ABTB2: variants seen among roughly 807,000 people sequenced by gnomAD.
ABTB2 encodes the protein ankyrin repeat and BTB domain containing 2.
ABTB2 carries 56 observed loss-of-function variants against 104.1 expected under a neutral mutation model. The observed-to-expected ratio is 0.54, with a 90% CI of 0.43 to 0.67. The LOEUF (loss-of-function observed/expected upper bound fraction) is 0.67. Among genes scored for constraint, ABTB2 ranks in the 30% least tolerant of loss-of-function variants. The pLI, the probability that ABTB2 is intolerant of heterozygous loss-of-function variation, is 0.00. For missense variants in ABTB2, 1,279 were observed against 1,407.7 expected (o/e 0.91, Z 1.46); for synonymous variants, 606 against 608.2 (o/e 1.00, Z 0.05).
In ABTB2 at chr11:34,154,260, C is replaced by T. The variant is rs1360532336; in HGVS notation, c.2880+5G>A. The T allele has an allele frequency of 1.9e-6, 3 of 1,612,448 alleles. No individual in the cohort carries two copies. The highest frequency in any genetic ancestry group is 2.5e-6 in the Non-Finnish European group (3 of 1,178,694). On this transcript the variant is annotated splice_donor_5th_base_variant and intron_variant, in intron 16 of 16. Coordinates refer to ENST00000435224, the MANE Select transcript of ABTB2 (RefSeq NM_145804.3). The surrounding 1 kb of genome is among the most constrained non-coding windows in gnomAD (Gnocchi z 4.9). ...AGGTGGCCAGCAGGCATCCTTGGCCCTCACCTTGGCATATTTGTAGGTGTT... is the reference window on the plus strand; with the variant it reads ...AGGTGGCCAGCAGGCATCCTTGGCCTTCACCTTGGCATATTTGTAGGTGTT...
intron 11 of ABTB2, 101 bp downstream of exon 11, chr11:34,160,802 G>T (rs1852707267): frequency 1.5e-6 from 2 of 1,306,918 alleles, no homozygotes; most frequent in African/African-American, 1.5e-5. Flanking sequence ...GGGTGAGGGG[G>T]TCCCTGTGTC....
rs145682895 is a variant in ABTB2, at chr11:34,351,702, T to A, written c.883+4999A>T. On this transcript the variant is annotated intron_variant, in intron 1 of 16. Transcript: ENST00000435224. ...TATAGAGCACATATTGTAGACACCA[T>A]GAGAGGTACAGGGAAGACAGCAATG... Among the ~76,000 whole-genome samples the A allele has an allele frequency of 4.1e-3, 623 of 152,222 alleles. 4 individuals are homozygous for A. Among genetic ancestry groups the A allele is most frequent in the Non-Finnish European group, 5.4e-3 (366 of 68,026 alleles).
intron 1 of ABTB2, among the ~76,000 whole-genome samples, chr11:34,310,016 T>C (rs1409460922): frequency 6.6e-6 from 1 of 152,216 alleles, no homozygotes; most frequent in Non-Finnish European, 1.5e-5. Flanking sequence ...TAGCGATCAC[T>C]TGGGCTTGAC....
chr11:34,242,819 A>C (rs1420755785), intron 1 of ABTB2, among the ~76,000 whole-genome samples: 1 of 152,158 alleles, frequency 6.6e-6, no homozygotes, highest in African/African-American at 2.4e-5. Flanking sequence ...CTCAAAGTCT[A>C]CAGGACAGGC....
chr11:34,197,208 C>T (rs1853268760), intron 3 of ABTB2, 117 bp downstream of exon 3: 33 of 1,126,124 alleles, frequency 2.9e-5, no homozygotes, highest in Non-Finnish European at 4.2e-5. Context: ...AGGCATAGCA[C>T]AGTTCCAGGG....
chr11:34,310,723 C>T (rs891286202), intron 1 of ABTB2, among the ~76,000 whole-genome samples: 2 of 152,096 alleles, frequency 1.3e-5, no homozygotes, highest in African/African-American at 4.8e-5. Flanking sequence ...GGTCACGGAC[C>T]CCTGTTTAAG....
intron 1 of ABTB2, among the ~76,000 whole-genome samples, chr11:34,274,558 TATAC>T (rs983737752): frequency 2.0e-4 from 11 of 56,322 alleles, no homozygotes; most frequent in African/African-American, 8.7e-4. Flanking sequence ...TGGATTGGAA[TATAC>T]ACACACACAC....
At chr11:34,173,844 C>G (rs904266395) in intron 3 of ABTB2, among the ~76,000 whole-genome samples, 3 of 152,184 alleles carry the variant, frequency 2.0e-5, no homozygotes, top group Admixed American at 6.5e-5. Context: ...CAAGCACACT[C>G]GAGTCTGGTT....
At chr11:34,269,885 A>G (rs988833878) in intron 1 of ABTB2, among the ~76,000 whole-genome samples, 3 of 152,204 alleles carry the variant, frequency 2.0e-5, no homozygotes, top group Admixed American at 6.5e-5. Context: ...ATTTTCATAC[A>G]ATCACGTGAC....
chr11:34,186,391 C>A (rs1853099679), intron 3 of ABTB2, among the ~76,000 whole-genome samples: 1 of 152,218 alleles, frequency 6.6e-6, no homozygotes, highest in Non-Finnish European at 1.5e-5. Context: ...CCAGATACCA[C>A]CCAGCTCCTG....
At chr11:34,318,970 G>A (rs998028948) in intron 1 of ABTB2, among the ~76,000 whole-genome samples, 1 of 152,230 alleles carries the variant, frequency 6.6e-6, no homozygotes, top group Admixed American at 6.5e-5. Flanking sequence ...TTATTAGCCT[G>A]AGTCAGCTGT....
chr11:34,327,919 C>T (rs1458995673), intron 1 of ABTB2, among the ~76,000 whole-genome samples: 1 of 152,190 alleles, frequency 6.6e-6, no homozygotes, highest in African/African-American at 2.4e-5. Flanking sequence ...TGTCTCACTC[C>T]CAGACCCAAC....
chr11:34,300,329 G>A (rs74797792), intron 1 of ABTB2, among the ~76,000 whole-genome samples: 5,858 of 152,224 alleles, frequency 0.038, 152 homozygotes, highest in South Asian at 0.081. Flanking sequence ...TGCATCAGGC[G>A]TTTCACATTT....
intron 1 of ABTB2, among the ~76,000 whole-genome samples, chr11:34,235,633 G>T (rs1853831446): frequency 6.6e-6 from 1 of 152,112 alleles, no homozygotes. Flanking sequence ...TTCCTAAGAG[G>T]ATTTGCCTAT....
At chr11:34,280,030 G>A (rs1245840489) in intron 1 of ABTB2, among the ~76,000 whole-genome samples, 1 of 151,934 alleles carries the variant, frequency 6.6e-6, no homozygotes, top group African/African-American at 2.4e-5. Flanking sequence ...CTCAGCCTCC[G>A]AAAGTGCTGG....
At chr11:34,186,484 T>C (rs1385791563) in intron 3 of ABTB2, among the ~76,000 whole-genome samples, 2 of 152,132 alleles carry the variant, frequency 1.3e-5, no homozygotes, top group Non-Finnish European at 2.9e-5. Context: ...ATCAATTCCC[T>C]TTAGAGTTGG....
intron 1 of ABTB2, among the ~76,000 whole-genome samples, chr11:34,275,478 G>T (rs1854372259): frequency 6.6e-6 from 1 of 152,088 alleles, no homozygotes; most frequent in Non-Finnish European, 1.5e-5. Flanking sequence ...TGAATACAGG[G>T]CTCTCTTTTT....
At chr11:34,168,204 G>A (rs931107657) in intron 5 of ABTB2, among the ~76,000 whole-genome samples, 1 of 152,204 alleles carries the variant, frequency 6.6e-6, no homozygotes, top group Non-Finnish European at 1.5e-5. Flanking sequence ...CAGGACACTG[G>A]AGCAGGGCCC....
At chr11:34,315,207 A>G (rs1010177940) in intron 1 of ABTB2, among the ~76,000 whole-genome samples, 1 of 152,214 alleles carries the variant, frequency 6.6e-6, no homozygotes, top group Non-Finnish European at 1.5e-5. Flanking sequence ...ACTAACTGGG[A>G]CCAGACCCTT....
Sources: allele counts gnomAD v4.1 joint callset (sites outside exome capture counted in the v4.1 genomes callset), GRCh38; gene constraint gnomAD v4.1.1; non-coding constraint Gnocchi (gnomAD v3.1); transcripts MANE v1.5; gene names NCBI Gene and HGNC (gene_info 2026-07-23, HGNC 2026-07-21).